CCSER1: variants seen among roughly 807,000 people sequenced by gnomAD.
CCSER1 encodes the protein serine-rich coiled-coil domain-containing protein 1.
Under a neutral mutation model 82.0 loss-of-function variants are expected in CCSER1, and 41 were observed. That is an observed-to-expected ratio of 0.50 (90% CI 0.39 to 0.65). CCSER1 has a LOEUF of 0.65. Ranked by LOEUF, CCSER1 falls within the 30% of genes least tolerant of loss-of-function variation. The probability of loss-of-function intolerance (pLI) is 0.00; values close to 1 mark genes in which losing one functional copy is unlikely to be tolerated. For synonymous variants in CCSER1, 414 were observed against 383.9 expected (o/e 1.08, Z -0.92); for missense variants, 1,119 against 1,064.2 (o/e 1.05, Z -0.72).
chr4:90,594,032 G>A (rs1173511527), intron 5 of CCSER1, among the ~76,000 whole-genome samples: 1 of 151,698 alleles, frequency 6.6e-6, no homozygotes, highest in Non-Finnish European at 1.5e-5. Flanking sequence ...TTAGAAGCAG[G>A]AAAATCTTTA....
At chr4:90,568,038 G>A (rs1779615534) in intron 5 of CCSER1, among the ~76,000 whole-genome samples, 1 of 152,090 alleles carries the variant, frequency 6.6e-6, no homozygotes, top group African/African-American at 2.4e-5. Context: ...TTTATACCGT[G>A]TCATCAGAAA....
intron 5 of CCSER1, among the ~76,000 whole-genome samples, chr4:90,537,397 A>C (rs189428180): frequency 6.6e-6 from 1 of 151,116 alleles, no homozygotes. Flanking sequence ...GTTTTTTCTC[A>C]TTTGGACATT....
At chr4:90,650,094 G>A (rs1728444787) in intron 6 of CCSER1, among the ~76,000 whole-genome samples, 1 of 152,142 alleles carries the variant, frequency 6.6e-6, no homozygotes, top group African/African-American at 2.4e-5. Flanking sequence ...GCAGGCACCT[G>A]TAATCCCAGC....
At chr4:90,788,812 C>A (rs1340371343) in intron 7 of CCSER1, among the ~76,000 whole-genome samples, 1 of 152,154 alleles carries the variant, frequency 6.6e-6, no homozygotes, top group Non-Finnish European at 1.5e-5. Flanking sequence ...CATTGACTGA[C>A]TCACTGTCAA....
intron 10 of CCSER1, among the ~76,000 whole-genome samples, chr4:91,347,173 T>A (rs1319384696): frequency 1.3e-5 from 2 of 152,182 alleles, no homozygotes; most frequent in East Asian, 3.8e-4. Context: ...GTGAAAGGTA[T>A]AACGTCTGGG....
intron 8 of CCSER1, among the ~76,000 whole-genome samples, chr4:90,881,861 A>G (rs768944804): frequency 1.3e-5 from 2 of 150,768 alleles, no homozygotes; most frequent in Non-Finnish European, 3.0e-5. Context: ...TCCCCTGTCT[A>G]TTCCACTCTC....
intron 3 of CCSER1, among the ~76,000 whole-genome samples, chr4:90,390,693 C>T (rs1032193208): frequency 1.3e-5 from 2 of 152,062 alleles, no homozygotes; most frequent in African/African-American, 4.8e-5. Context: ...TTGATGGGGT[C>T]CTAGGATTAT....
chr4:90,963,893 G>A (rs1330131963), intron 9 of CCSER1, among the ~76,000 whole-genome samples: 4 of 152,154 alleles, frequency 2.6e-5, no homozygotes, highest in Admixed American at 6.5e-5. Context: ...GAAGTTAGGA[G>A]TTGTCAAATA....
intron 5 of CCSER1, among the ~76,000 whole-genome samples, chr4:90,479,741 G>A (rs1442068489): frequency 2.0e-5 from 3 of 152,158 alleles, no homozygotes; most frequent in African/African-American, 7.2e-5. Flanking sequence ...ATTCTACGGT[G>A]TATATGTGCC....
At chr4:90,599,023 C>G (rs1203236220) in intron 5 of CCSER1, among the ~76,000 whole-genome samples, 1 of 152,132 alleles carries the variant, frequency 6.6e-6, no homozygotes, top group African/African-American at 2.4e-5. Flanking sequence ...GCAGTGGCAG[C>G]TTGGGTCATG....
chr4:90,516,742 A>G (rs1012675251), intron 5 of CCSER1, among the ~76,000 whole-genome samples: 3 of 152,170 alleles, frequency 2.0e-5, no homozygotes, highest in Non-Finnish European at 4.4e-5. Flanking sequence ...TTGGATATCC[A>G]TTAGAATTTT....
chr4:91,271,853 C>T (rs1742059462), intron 10 of CCSER1, among the ~76,000 whole-genome samples: 1 of 152,120 alleles, frequency 6.6e-6, no homozygotes, highest in African/African-American at 2.4e-5. Context: ...CTCCTGGGTT[C>T]AAGTGATTCT....
At chr4:90,249,661 T>G (rs1722042147) in intron 1 of CCSER1, among the ~76,000 whole-genome samples, 1 of 152,182 alleles carries the variant, frequency 6.6e-6, no homozygotes, top group Non-Finnish European at 1.5e-5. Flanking sequence ...TGTTGTAGCA[T>G]GTATCAGTAC....
At chr4:91,411,523 T>TATATAA (rs1753046899) in intron 10 of CCSER1, among the ~76,000 whole-genome samples, 1 of 126,958 alleles carries the variant, frequency 7.9e-6, no homozygotes, top group Non-Finnish European at 1.6e-5. Context: ...TATATATATA[T>TATATAA]ATAAAATCTT....
At chr4:90,285,327 A>G (rs563384676) in intron 1 of CCSER1, among the ~76,000 whole-genome samples, 9 of 151,958 alleles carry the variant, frequency 5.9e-5, no homozygotes, top group African/African-American at 1.7e-4. Flanking sequence ...TCTTTCATCA[A>G]TGTTTTATAG....
intron 10 of CCSER1, among the ~76,000 whole-genome samples, chr4:91,271,451 T>C (rs1742016236): frequency 6.6e-6 from 1 of 152,144 alleles, no homozygotes; most frequent in African/African-American, 2.4e-5. Context: ...CTGAGGTCCA[T>C]TGTGTCATTC....
intron 9 of CCSER1, among the ~76,000 whole-genome samples, chr4:90,954,977 C>T (rs1733286246): frequency 6.6e-6 from 1 of 152,130 alleles, no homozygotes; most frequent in Non-Finnish European, 1.5e-5. Context: ...TACTTTTATG[C>T]TTAGTGTTTC....
intron 6 of CCSER1, among the ~76,000 whole-genome samples, chr4:90,633,512 C>G (rs8180273): frequency 0.29 from 43,514 of 151,734 alleles, 6,527 homozygotes; most frequent in East Asian, 0.36. Context: ...TTAAAATTAT[C>G]TGCTAAATCT....
At chr4:91,188,970 A>G (rs7434671) in intron 10 of CCSER1, among the ~76,000 whole-genome samples, 40,927 of 151,966 alleles carry the variant, frequency 0.27, 5,778 homozygotes, top group South Asian at 0.37. Context: ...ATAGAAAAAA[A>G]GAGTTATAAA....
Sources: allele counts gnomAD v4.1 joint callset (sites outside exome capture counted in the v4.1 genomes callset), GRCh38; gene constraint gnomAD v4.1.1; transcripts MANE v1.5; gene names NCBI Gene and HGNC (gene_info 2026-07-23, HGNC 2026-07-21).